Variants in PHLPP2 observed in about 807,000 individuals in gnomAD.
PHLPP2 encodes the protein PH domain leucine-rich repeat-containing protein phosphatase 2.
Under a neutral mutation model 124.9 loss-of-function variants are expected in PHLPP2, and 66 were observed. That is an observed-to-expected ratio of 0.53 (90% CI 0.43 to 0.65). The LOEUF (loss-of-function observed/expected upper bound fraction) is 0.65, where lower values mean the gene tolerates loss of function less well. Ranked by LOEUF, PHLPP2 falls within the 30% of genes least tolerant of loss-of-function variation. The pLI is 0.00. For synonymous variants in PHLPP2, 681 were observed against 624.7 expected (o/e 1.09, Z -1.34); for missense variants, 1,685 against 1,600.4 (o/e 1.05, Z -0.90).
In PHLPP2 at chr16:71,714,820, A is replaced by G. The variant is rs1432445302; in HGVS notation, c.-6-19T>C. 6.3e-7 allele frequency: 1 copy of G among 1,599,940 alleles called. No homozygotes were observed. ...TATTTCTCTAAAAAATATCAAGAGAAAGAAATCGTTAGCTAGAACATCTGA... is the reference window on the plus strand; with the variant it reads ...TATTTCTCTAAAAAATATCAAGAGAGAGAAATCGTTAGCTAGAACATCTGA... On this transcript the variant is annotated intron_variant, in intron 1 of 18. Coordinates refer to ENST00000568954, the MANE Select transcript of PHLPP2 (RefSeq NM_015020.3).
Position 71,645,728 on chromosome 16 carries a change from A to G in PHLPP2, c.*3162T>C, listed in dbSNP as rs1039904466. The G allele has an allele frequency of 1.3e-5, 2 of 153,344 alleles. No homozygotes were observed. The highest frequency in any genetic ancestry group is 2.9e-5 in the Non-Finnish European group (2 of 68,066). The allele number at this position is 153,344 out of a possible 1,614,324, so 9.5% of individuals were successfully genotyped here. A position where few individuals can be genotyped will look rare whatever the true frequency, so the allele number is the denominator to read the frequency against. ...GCTGCTCCTGCTGGCTCTTCCGTACACCAGTAAATGAACTCACCAATGTAT... is the reference window on the plus strand; with the variant it reads ...GCTGCTCCTGCTGGCTCTTCCGTACGCCAGTAAATGAACTCACCAATGTAT... On this transcript the variant is annotated 3_prime_UTR_variant, in exon 19 of 19. Transcript: ENST00000568954.
In PHLPP2 at chr16:71,719,101, A is replaced by G. The variant is rs200134113; in HGVS notation, c.-6-4300T>C. Among the ~76,000 whole-genome samples, 7 of 152,248 alleles carry G rather than the reference A, an allele frequency of 4.6e-5. No individual in the cohort carries two copies. In the East Asian group the frequency reaches 1.3e-3, roughly 29 times the overall value. On this transcript the variant is annotated intron_variant, in intron 1 of 18. Transcript: ENST00000568954. ...GGTGCTTTCAACTTTTAGAATCACC[A>G]TTCTACTGGAATTGCTAGGTTGAGA... is the stretch of plus-strand genomic sequence containing the variant.
chr16:71,693,305 C>G (rs1187391364), intron 3 of PHLPP2, among the ~76,000 whole-genome samples: 1 of 151,878 alleles, frequency 6.6e-6, no homozygotes, highest in Admixed American at 6.6e-5. Flanking sequence ...AAAAAAAGAT[C>G]AACATGCCTA....
chr16:71,652,953 G>T lies in PHLPP2; in HGVS notation c.2654C>A (p.Ala885Asp), dbSNP rs765294354. Residue 885 changes from alanine (A) to aspartate (D), a missense_variant, in exon 18 of 19, where the codon GCC becomes GAC. By Grantham distance (126) the Ala-to-Asp change is moderately radical. Transcript: ENST00000568954. ...CAAGCTAAAGCTACTTGCTGGATCG[G>T]CAGTGTCAGGGCGGATGTAGCACAG... is the stretch of plus-strand genomic sequence containing the variant. The part of the protein sequence containing the change: ...ALLCYIRPDT[A>D]DPASSFSLTV... The T allele has an allele frequency of 9.9e-6, 16 of 1,613,950 alleles. No homozygotes were observed. In the Admixed American group the frequency reaches 1.7e-4, roughly 17 times the overall value.
At chr16:71,709,045 T>C (rs1359009866) in intron 2 of PHLPP2, among the ~76,000 whole-genome samples, 1 of 152,166 alleles carries the variant, frequency 6.6e-6, no homozygotes, top group South Asian at 2.1e-4. Flanking sequence ...CTCTAATATA[T>C]ATGCTGATTT....
intron 4 of PHLPP2, among the ~76,000 whole-genome samples, chr16:71,689,013 T>C (rs2045080762): frequency 2.0e-5 from 3 of 152,108 alleles, no homozygotes; most frequent in South Asian, 4.1e-4. Flanking sequence ...AAACAAAAGA[T>C]ACCAACCAGC....
rs2044662445 is a variant in PHLPP2, at chr16:71,647,597, G to A, written c.*1293C>T. The A allele has an allele frequency of 6.6e-6, 1 of 152,240 alleles. No individual in the cohort carries two copies. 9.4% of individuals were successfully genotyped at this position (152,240 alleles called of 1,614,324 possible). ...ATCTGCCATAACTTAAGGTCACGTG[G>A]ATGCAAGCAGTGTCAGCCTTGGGCC... is the stretch of plus-strand genomic sequence containing the variant. On this transcript the variant is annotated 3_prime_UTR_variant, in exon 19 of 19. Coordinates refer to ENST00000568954, the MANE Select transcript of PHLPP2 (RefSeq NM_015020.3).
chr16:71,705,450 C>A (rs1040153720), intron 2 of PHLPP2, among the ~76,000 whole-genome samples: 1 of 152,146 alleles, frequency 6.6e-6, no homozygotes, highest in African/African-American at 2.4e-5. Context: ...AATTTCCTGG[C>A]CTAAAAAGGC....
intron 15 of PHLPP2, among the ~76,000 whole-genome samples, chr16:71,656,975 C>G (rs2044747280): frequency 6.6e-6 from 1 of 151,616 alleles, no homozygotes; most frequent in African/African-American, 2.4e-5. Flanking sequence ...GACGATCTCC[C>G]TCTGTTGCCC....
At chr16:71,669,019 T>C (rs1033516095) in intron 11 of PHLPP2, among the ~76,000 whole-genome samples, 1 of 152,226 alleles carries the variant, frequency 6.6e-6, no homozygotes, top group African/African-American at 2.4e-5. Flanking sequence ...CACCAACCTA[T>C]GGCAGCAACT....
At position 71,669,229 on chromosome 16, in the gene PHLPP2, C is replaced by T. The variant is rs75610124; in HGVS notation, c.1628+46G>A. 4.5e-4 allele frequency: 603 copies of T among 1,333,550 alleles called. 6 individuals carry two copies. In the East Asian group the frequency reaches 0.012, roughly 27 times the overall value. The allele number at this position is 1,333,550 out of a possible 1,614,324, so 82.6% of individuals were successfully genotyped here. On this transcript the variant is annotated intron_variant, in intron 11 of 18. Coordinates refer to ENST00000568954, the MANE Select transcript of PHLPP2 (RefSeq NM_015020.3). The stretch of plus-strand genomic sequence containing the variant: ...AGAAAAAAATTTAAATACGCACACA[C>T]GTAAATGTTAGTATATACATAATAT...
chr16:71,663,268 C>T (rs1310665712), intron 13 of PHLPP2, among the ~76,000 whole-genome samples: 2 of 152,206 alleles, frequency 1.3e-5, no homozygotes, highest in Non-Finnish European at 2.9e-5. Flanking sequence ...TGTGCCACCA[C>T]GTACGGCTAA....
chr16:71,688,639 A>G (rs1202607104), intron 4 of PHLPP2, among the ~76,000 whole-genome samples: 13 of 128,610 alleles, frequency 1.0e-4, no homozygotes, highest in African/African-American at 3.9e-4. Context: ...TGTGTGTGAG[A>G]GGGAGTTTAC....
intron 2 of PHLPP2, among the ~76,000 whole-genome samples, chr16:71,710,507 A>T (rs1302525407): frequency 6.6e-6 from 1 of 152,252 alleles, no homozygotes; most frequent in Non-Finnish European, 1.5e-5. Flanking sequence ...GCAATGGTTT[A>T]GTCAATGCAA....
At chr16:71,670,786 G>A (rs569392499) in intron 10 of PHLPP2, among the ~76,000 whole-genome samples, 3 of 151,750 alleles carry the variant, frequency 2.0e-5, no homozygotes, top group South Asian at 4.2e-4. Flanking sequence ...GCAAGGTCCA[G>A]GGCAGTGGGA....
intron 3 of PHLPP2, among the ~76,000 whole-genome samples, chr16:71,694,300 A>G (rs1374543740): frequency 6.6e-6 from 1 of 151,726 alleles, no homozygotes; most frequent in Non-Finnish European, 1.5e-5. Context: ...CATCTCTACT[A>G]AAATACAAAA....
At chr16:71,710,978 G>A (rs2145379440) in intron 2 of PHLPP2, among the ~76,000 whole-genome samples, 2 of 151,608 alleles carry the variant, frequency 1.3e-5, no homozygotes, top group South Asian at 4.2e-4. Flanking sequence ...TCCATACAGA[G>A]GAATATTCTG....
chr16:71,652,497 G>A (rs2044703786), intron 18 of PHLPP2, among the ~76,000 whole-genome samples: 1 of 152,218 alleles, frequency 6.6e-6, no homozygotes, highest in Non-Finnish European at 1.5e-5. Context: ...AGATGAGCTG[G>A]AAATTAGCTA....
At chr16:71,696,936 A>G (rs560310827) in intron 3 of PHLPP2, among the ~76,000 whole-genome samples, 2 of 152,124 alleles carry the variant, frequency 1.3e-5, no homozygotes, top group South Asian at 4.1e-4. Context: ...CACATTTGGG[A>G]GGCCGAGGTA....
Sources: gnomAD v4.1 joint callset for allele counts (sites outside exome capture counted in the v4.1 genomes callset) on GRCh38, gnomAD v4.1.1 for gene constraint, MANE v1.5 for transcripts, NCBI Gene and HGNC (gene_info 2026-07-23, HGNC 2026-07-21) for gene names.